The following AFAP1 variants were observed in gnomAD, a reference collection of about 807,000 sequenced individuals.
AFAP1 encodes the protein actin filament-associated protein 1.
Under a neutral mutation model 93.9 loss-of-function variants are expected in AFAP1, and 75 were observed. The observed-to-expected ratio is 0.80, with a 90% CI of 0.66 to 0.97. AFAP1 has a LOEUF of 0.97. AFAP1 is among the 50% of genes least tolerant of loss of function. The pLI, the probability that AFAP1 is intolerant of heterozygous loss-of-function variation, is 0.00. For synonymous variants in AFAP1, 517 were observed against 430.7 expected (o/e 1.20, Z -2.48); for missense variants, 1,201 against 1,050.8 (o/e 1.14, Z -1.98).
In AFAP1 at chr4:7,816,063, C is replaced by A; in HGVS notation, c.859G>T (p.Gly287Cys). 1 of 1,613,042 alleles carries A rather than the reference C, an allele frequency of 6.2e-7. No individual in the cohort carries two copies. Among genetic ancestry groups the A allele is most frequent in the East Asian group, 2.2e-5 (1 of 44,856 alleles). Residue 287 changes from glycine to cysteine, a missense_variant, in exon 8 of 18, where the codon GGT becomes TGT. Gly to Cys is a radical substitution (Grantham distance 159). Coordinates refer to ENST00000420658, the MANE Select transcript of AFAP1 (RefSeq NM_001134647.2). ...GTGGTAATTCCATTTTCCACAACACCCTCCCCATCTGAGCTGGGTCTCTCT... is the reference window on the plus strand; with the variant it reads ...GTGGTAATTCCATTTTCCACAACACACTCCCCATCTGAGCTGGGTCTCTCT... ...SSERPSSDGE[G>C]VVENGITTCN...
rs978705939 is a variant in AFAP1, at chr4:7,817,470, A to G, written c.823-1371T>C. Among the ~76,000 whole-genome samples the G allele has an allele frequency of 5.9e-5, 9 of 152,256 alleles. No homozygotes were observed. The South Asian group carries it at 1.7e-3, about 28-fold the overall frequency. ...TACAAAAATTAGCCAGGCTTGGTGG[A>G]ATCCCAGTTACTCAGGAGGCTGAGA... On this transcript the variant is annotated intron_variant, in intron 7 of 17. Transcript: ENST00000420658.
At chr4:7,869,178 G>GAGAAA (rs915623941) in intron 2 of AFAP1, among the ~76,000 whole-genome samples, 1 of 150,640 alleles carries the variant, frequency 6.6e-6, no homozygotes. Flanking sequence ...GAAAAGAAAA[G>GAGAAA]AGAAAAGAAA....
At chr4:7,769,239 T>C (rs1715067197) in intron 16 of AFAP1, among the ~76,000 whole-genome samples, 1 of 152,166 alleles carries the variant, frequency 6.6e-6, no homozygotes, top group Admixed American at 6.5e-5. Flanking sequence ...CAAGGGGTGC[T>C]CTGACTCCCG....
chr4:7,760,492 C>G lies in AFAP1; in HGVS notation c.*3273G>C, dbSNP rs912380372. ...TCCACACTGGTTACCTTGCAACTGC[C>G]GTGGACTCTGGAAGCCGAGGGAGAG... On this transcript the variant is annotated 3_prime_UTR_variant, in exon 18 of 18. Transcript: ENST00000420658. 1 of 152,340 alleles carries G rather than the reference C, an allele frequency of 6.6e-6. No homozygotes were observed. Among genetic ancestry groups the G allele is most frequent in the Non-Finnish European group, 1.5e-5 (1 of 68,144 alleles). The allele number at this position is 152,340 out of a possible 1,614,324, so 9.4% of individuals were successfully genotyped here.
chr4:7,891,610 G>A (rs186930959), intron 1 of AFAP1, among the ~76,000 whole-genome samples: 1 of 151,950 alleles, frequency 6.6e-6, no homozygotes, highest in African/African-American at 2.4e-5. Context: ...AGGCTCTAAT[G>A]AATTGTATTC....
intron 1 of AFAP1, among the ~76,000 whole-genome samples, chr4:7,930,849 C>T (rs1488294881): frequency 6.6e-6 from 1 of 152,162 alleles, no homozygotes; most frequent in Non-Finnish European, 1.5e-5. Context: ...CTCCCAGGTT[C>T]AAGCAATTCT....
In AFAP1 at chr4:7,823,756, C is replaced by T. The variant is rs952894020; in HGVS notation, c.727-4585G>A. Among the ~76,000 whole-genome samples, 3 of 152,202 alleles carry T rather than the reference C, an allele frequency of 2.0e-5. No homozygotes were observed. In the East Asian group the frequency reaches 5.8e-4, roughly 29 times the overall value. ...TTGCTCTCTAATCATTAACTTCTCT[C>T]CCAGCTAGAACTCACATTGCCCCAG... On this transcript the variant is annotated intron_variant, in intron 6 of 17. Transcript: ENST00000420658.
intron 16 of AFAP1, among the ~76,000 whole-genome samples, chr4:7,771,207 T>C (rs79446902): frequency 6.6e-6 from 1 of 152,290 alleles, no homozygotes; most frequent in Non-Finnish European, 1.5e-5. Context: ...CCTGGAACAG[T>C]TTGTAGCACA....
chr4:7,900,158 AATG>A (rs775955649), intron 1 of AFAP1, among the ~76,000 whole-genome samples: 23 of 152,222 alleles, frequency 1.5e-4, no homozygotes, highest in African/African-American at 4.8e-4. Context: ...TGCCATTCTC[AATG>A]ATAACAGTTA....
intron 13 of AFAP1, among the ~76,000 whole-genome samples, chr4:7,779,887 G>A (rs752779736): frequency 1.3e-5 from 2 of 152,168 alleles, no homozygotes; most frequent in Non-Finnish European, 2.9e-5. Flanking sequence ...ATGAGGACAG[G>A]AAACCCAGAG....
intron 6 of AFAP1, among the ~76,000 whole-genome samples, chr4:7,821,266 G>A (rs1410985537): frequency 6.6e-6 from 1 of 152,210 alleles, no homozygotes; most frequent in Non-Finnish European, 1.5e-5. Flanking sequence ...CTGAGACAGT[G>A]AGATCCGCTA....
chr4:7,811,049 G>A (rs1207452835), intron 8 of AFAP1, among the ~76,000 whole-genome samples: 4 of 152,228 alleles, frequency 2.6e-5, no homozygotes, highest in Non-Finnish European at 5.9e-5. Context: ...GACCCTCGGA[G>A]AAGGTGAGCT....
intron 16 of AFAP1, among the ~76,000 whole-genome samples, chr4:7,769,650 GA>G (rs200210308): frequency 1.3e-5 from 2 of 151,976 alleles, no homozygotes; most frequent in Admixed American, 6.5e-5. Flanking sequence ...TCTCTGGGGG[GA>G]AAAAAACGCC....
At chr4:7,846,542 G>C (rs79078501) in intron 4 of AFAP1, among the ~76,000 whole-genome samples, 1 of 152,094 alleles carries the variant, frequency 6.6e-6, no homozygotes, top group African/African-American at 2.4e-5. Context: ...CTCAGGGCTC[G>C]GCCCACTTGC....
chr4:7,930,252 CT>C (rs914716460), intron 1 of AFAP1, among the ~76,000 whole-genome samples: 7 of 152,334 alleles, frequency 4.6e-5, no homozygotes, highest in Admixed American at 3.9e-4. Flanking sequence ...TCCCATGCCC[CT>C]GGGAGTGCCA....
chr4:7,804,545 G>A (rs541403537), intron 9 of AFAP1, among the ~76,000 whole-genome samples: 6 of 152,180 alleles, frequency 3.9e-5, no homozygotes, highest in Admixed American at 3.9e-4. Flanking sequence ...AGATGGAGGG[G>A]AACAGATATA....
chr4:7,802,416 G>T (rs374363378), intron 9 of AFAP1, among the ~76,000 whole-genome samples: 7 of 152,306 alleles, frequency 4.6e-5, no homozygotes, highest in African/African-American at 1.4e-4. Flanking sequence ...AATTAAAGTA[G>T]GAAAGAGTCT....
chr4:7,870,330 G>T (rs1716910633), intron 2 of AFAP1, among the ~76,000 whole-genome samples: 1 of 152,182 alleles, frequency 6.6e-6, no homozygotes, highest in Non-Finnish European at 1.5e-5. Flanking sequence ...ACAGATCCAA[G>T]AGTCTGAGCA....
intron 1 of AFAP1, among the ~76,000 whole-genome samples, chr4:7,924,986 A>AC (rs1720650006): frequency 6.6e-6 from 1 of 151,882 alleles, no homozygotes; most frequent in Non-Finnish European, 1.5e-5. Flanking sequence ...TCCAGCCCCC[A>AC]CAACAGCCTC....
Sources: gnomAD v4.1 joint callset for allele counts (sites outside exome capture counted in the v4.1 genomes callset) on GRCh38, gnomAD v4.1.1 for gene constraint, MANE v1.5 for transcripts, NCBI Gene and HGNC (gene_info 2026-07-23, HGNC 2026-07-21) for gene names.